The following STX7 variants were observed in gnomAD, a reference collection of about 807,000 sequenced individuals.
STX7 encodes syntaxin-7.
Under a neutral mutation model 39.6 loss-of-function variants are expected in STX7, and 34 were observed. The observed-to-expected ratio is 0.86, with a 90% CI of 0.65 to 1.14. The LOEUF is 1.14. Among genes scored for constraint, STX7 ranks in the 50% most tolerant of loss-of-function variants. STX7 has a pLI of 0.00. For synonymous variants in STX7, 119 were observed against 99.1 expected (o/e 1.20, Z -1.19); for missense variants, 284 against 310.4 (o/e 0.92, Z 0.64).
intron 2 of STX7, among the ~76,000 whole-genome samples, chr6:132,498,954 T>G (rs1775485614): frequency 6.6e-6 from 1 of 152,226 alleles, no homozygotes; most frequent in Non-Finnish European, 1.5e-5. Flanking sequence ...TCAACACATT[T>G]GCTAAACCCC....
At chr6:132,460,923 A>G in intron 9 of STX7, 73 bp from the exon 10 acceptor site, 1 of 1,311,938 alleles carries the variant, frequency 7.6e-7, no homozygotes, top group Non-Finnish European at 1.1e-6. Context: ...TACAGCAACT[A>G]AAAATAATTT....
rs1467380645 is a variant in STX7, at chr6:132,459,643, A to C, written c.*1115T>G. The C allele has an allele frequency of 6.6e-6, 1 of 152,226 alleles. No individual in the cohort carries two copies. The highest frequency in any genetic ancestry group is 1.9e-4 in the East Asian group (1 of 5,200). The allele number at this position is 152,226 out of a possible 1,614,324, so 9.4% of individuals were successfully genotyped here. A position where few individuals can be genotyped will look rare whatever the true frequency, so the allele number is the denominator to read the frequency against. On this transcript the variant is annotated 3_prime_UTR_variant, in exon 10 of 10. Coordinates refer to ENST00000367941, the MANE Select transcript of STX7 (RefSeq NM_003569.3). ...TTCAGTACCGAGCTGCTATACAAGA[A>C]CATTATAAAATACAAAGTATAAACT...
In STX7 at chr6:132,475,681, C is replaced by A. The variant is rs1237306772; in HGVS notation, c.86-19G>T. 28 of 1,556,126 alleles carry A rather than the reference C, an allele frequency of 1.8e-5. No homozygotes were observed. Among genetic ancestry groups the A allele is most frequent in the Non-Finnish European group, 2.4e-5 (27 of 1,139,850 alleles). ...TCCACAGCTATTATAATAGAAAATT[C>A]ATGTATTAATTGTCACAAAAGTTAA... On this transcript the variant is annotated intron_variant, in intron 2 of 9. Coordinates refer to ENST00000367941, the MANE Select transcript of STX7 (RefSeq NM_003569.3).
At chr6:132,472,771 C>T (rs1774764426) in intron 3 of STX7, among the ~76,000 whole-genome samples, 1 of 152,098 alleles carries the variant, frequency 6.6e-6, no homozygotes, top group African/African-American at 2.4e-5. Flanking sequence ...GATTTGTTAC[C>T]TTAGACTTTG....
chr6:132,470,285 G>A (rs1165566589), intron 6 of STX7, among the ~76,000 whole-genome samples: 1 of 152,088 alleles, frequency 6.6e-6, no homozygotes, highest in Non-Finnish European at 1.5e-5. Context: ...ATTGGAAGCT[G>A]TATCTGTCAA....
rs1562343532 is a variant in STX7, at chr6:132,509,471, ACATAAC to A, written c.-59+3530_-59+3535del. ...TCTCAAAATAACATAACATAACATA[ACATAAC>A]ATAACATAACATAACATAACATAAC... On this transcript the variant is annotated intron_variant, in intron 1 of 9. Transcript: ENST00000367941. Among the ~76,000 whole-genome samples, 108 of 26,304 alleles carry A rather than the reference ACATAAC, an allele frequency of 4.1e-3. 12 individuals carry two copies. The highest frequency in any genetic ancestry group is 7.3e-3 in the African/African-American group (105 of 14,324). 17.3% of individuals were successfully genotyped at this position (26,304 alleles called of 152,430 possible).
intron 3 of STX7, among the ~76,000 whole-genome samples, chr6:132,473,757 T>A (rs1006189434): frequency 1.3e-5 from 2 of 152,096 alleles, no homozygotes; most frequent in African/African-American, 4.8e-5. Context: ...TATGGTCTGG[T>A]CACACTTGGG....
chr6:132,496,952 T>C (rs777568297), intron 2 of STX7, among the ~76,000 whole-genome samples: 2 of 152,190 alleles, frequency 1.3e-5, no homozygotes, highest in Non-Finnish European at 2.9e-5. Flanking sequence ...ACATCAAATG[T>C]TGACAAGGAC....
intron 2 of STX7, among the ~76,000 whole-genome samples, chr6:132,492,848 A>G (rs574647482): frequency 2.0e-5 from 3 of 152,378 alleles, no homozygotes; most frequent in South Asian, 4.1e-4. Flanking sequence ...GAAAGAGATT[A>G]TTGAACAAAG....
intron 1 of STX7, among the ~76,000 whole-genome samples, chr6:132,512,297 G>A (rs1319259488): frequency 6.6e-6 from 1 of 151,996 alleles, no homozygotes; most frequent in East Asian, 1.9e-4. Context: ...GAAATTTGTG[G>A]GAAAAAACAC....
chr6:132,495,061 T>G (rs1229451617), intron 2 of STX7, among the ~76,000 whole-genome samples: 1 of 152,218 alleles, frequency 6.6e-6, no homozygotes, highest in East Asian at 1.9e-4. Context: ...GGTTTGGGGT[T>G]GGAACCAAGG....
chr6:132,493,058 G>C (rs1775334937), intron 2 of STX7, among the ~76,000 whole-genome samples: 1 of 152,158 alleles, frequency 6.6e-6, no homozygotes, highest in South Asian at 2.1e-4. Flanking sequence ...TCTTGGTGAT[G>C]TCTGTGGGCA....
chr6:132,491,474 A>C (rs1775286013), intron 2 of STX7, among the ~76,000 whole-genome samples: 1 of 152,152 alleles, frequency 6.6e-6, no homozygotes. Flanking sequence ...CCTCATGATC[A>C]CCACCCACTG....
At chr6:132,498,126 G>A (rs958495442) in intron 2 of STX7, among the ~76,000 whole-genome samples, 5 of 152,180 alleles carry the variant, frequency 3.3e-5, no homozygotes, top group African/African-American at 7.2e-5. Context: ...CGGAGTCAAC[G>A]CTTTCTCTCA....
At chr6:132,510,229 T>C (rs1203829226) in intron 1 of STX7, among the ~76,000 whole-genome samples, 1 of 152,194 alleles carries the variant, frequency 6.6e-6, no homozygotes, top group Non-Finnish European at 1.5e-5. Context: ...GAAGAAAGAA[T>C]GAATTGTGAA....
At chr6:132,506,608 C>T (rs1032399197) in intron 1 of STX7, among the ~76,000 whole-genome samples, 13 of 151,130 alleles carry the variant, frequency 8.6e-5, no homozygotes, top group Non-Finnish European at 1.9e-4. Context: ...ACATCTTGAA[C>T]GGAAAAAAAA....
chr6:132,494,367 T>C (rs749431719), intron 2 of STX7, among the ~76,000 whole-genome samples: 4 of 152,078 alleles, frequency 2.6e-5, no homozygotes, highest in Non-Finnish European at 5.9e-5. Context: ...AAGGTTTTAG[T>C]AGGAAAGTAA....
At chr6:132,474,517 T>C (rs1774821475) in intron 3 of STX7, among the ~76,000 whole-genome samples, 1 of 152,164 alleles carries the variant, frequency 6.6e-6, no homozygotes, top group East Asian at 1.9e-4. Context: ...ATCGTCCTCT[T>C]TGCAGTTTTC....
chr6:132,498,868 T>C (rs540763139), intron 2 of STX7, among the ~76,000 whole-genome samples: 3 of 152,318 alleles, frequency 2.0e-5, no homozygotes, highest in South Asian at 2.1e-4. Context: ...CATTTAGACA[T>C]TGAATCTCAG....
Sources: gnomAD v4.1 joint callset for allele counts (sites outside exome capture counted in the v4.1 genomes callset) on GRCh38, gnomAD v4.1.1 for gene constraint, MANE v1.5 for transcripts, NCBI Gene and HGNC (gene_info 2026-07-23, HGNC 2026-07-21) for gene names.